Variants in UFC1 observed in about 807,000 individuals in gnomAD.
UFC1 encodes the protein ubiquitin-fold modifier conjugating enzyme 1, also known as ubiquitin-fold modifier-conjugating enzyme 1.
UFC1 carries 22 observed loss-of-function variants against 28.0 expected under a neutral mutation model. That is an observed-to-expected ratio of 0.78 (90% CI 0.56 to 1.12). The LOEUF (loss-of-function observed/expected upper bound fraction) is 1.12. Among genes scored for constraint, UFC1 ranks in the 50% most tolerant of loss-of-function variants. The pLI is 0.00. For synonymous variants in UFC1, 61 were observed against 74.5 expected (o/e 0.82, Z 0.93); for missense variants, 189 against 207.8 (o/e 0.91, Z 0.56).
chr1:161,157,497 G>A, intron 3 of UFC1, 120 bp from the exon 4 acceptor site: 1 of 1,251,616 alleles, frequency 8.0e-7, no homozygotes, highest in Non-Finnish European at 1.2e-6. Context: ...TCCTGGTATG[G>A]ATGTGCTCCT....
intron 1 of UFC1, among the ~76,000 whole-genome samples, chr1:161,156,669 C>G (rs1050121161): frequency 6.6e-6 from 1 of 151,922 alleles, no homozygotes; most frequent in Non-Finnish European, 1.5e-5. Flanking sequence ...TGGCAAAACC[C>G]CGTCTCTACT....
At chr1:161,157,764 G>C in intron 4 of UFC1, 71 bp downstream of exon 4, 2 of 1,302,116 alleles carry the variant, frequency 1.5e-6, no homozygotes, top group Admixed American at 1.8e-5. Flanking sequence ...GGGAGGGAGA[G>C]CATCAGGAAG....
chr1:161,157,770 G>A, intron 4 of UFC1, 77 bp downstream of exon 4: 1 of 1,216,094 alleles, frequency 8.2e-7, no homozygotes, highest in Admixed American at 1.8e-5. Flanking sequence ...GAGAGCATCA[G>A]GAAGAATAGC....
At chr1:161,156,593 G>T (rs1557995966) in intron 1 of UFC1, among the ~76,000 whole-genome samples, 1 of 148,582 alleles carries the variant, frequency 6.7e-6, no homozygotes, top group Non-Finnish European at 1.5e-5. Context: ...TGTAATCCTA[G>T]CACTTTGGGA....
chr1:161,157,956 C>T, intron 4 of UFC1, 165 bp from the exon 5 acceptor site: 1 of 655,944 alleles, frequency 1.5e-6, no homozygotes, highest in Non-Finnish European at 2.6e-6. Context: ...CCAGGGTCTG[C>T]TGGCCTAGTG....
At chr1:161,155,949 C>G (rs1002884905) in intron 1 of UFC1, among the ~76,000 whole-genome samples, 11 of 152,082 alleles carry the variant, frequency 7.2e-5, no homozygotes, top group Non-Finnish European at 1.5e-5. Context: ...AGATCTGGAC[C>G]AAAGATGAAA....
intron 1 of UFC1, among the ~76,000 whole-genome samples, chr1:161,156,644 C>T (rs1657514799): frequency 6.6e-6 from 1 of 151,496 alleles, no homozygotes; most frequent in Admixed American, 6.6e-5. Flanking sequence ...GAGTTCGAGA[C>T]CAGCCTGGCC....
chr1:161,154,137 C>G lies in UFC1; in HGVS notation c.123+17C>G, dbSNP rs146907749. ...CTTATCCGGGTTAGTTGTGTTTCTA[C>G]AGTCTAACGCGTAGCATAAGGGTTG... On this transcript the variant is annotated intron_variant, in intron 1 of 5. Coordinates refer to ENST00000368003, the MANE Select transcript of UFC1 (RefSeq NM_016406.4). The G allele has an allele frequency of 1.2e-4, 201 of 1,613,788 alleles. No homozygotes were observed. In the African/African-American group the frequency reaches 2.2e-3, roughly 18 times the overall value.
At chr1:161,157,526 A>G in intron 3 of UFC1, 91 bp from the exon 4 acceptor site, 1 of 1,396,148 alleles carries the variant, frequency 7.2e-7, no homozygotes. Flanking sequence ...TTTACTTAAC[A>G]TTTCAGTTTA....
chr1:161,156,135 T>C (rs1377474239), intron 1 of UFC1, among the ~76,000 whole-genome samples: 3 of 152,176 alleles, frequency 2.0e-5, no homozygotes, highest in African/African-American at 4.8e-5. Flanking sequence ...GCTTGCTAAA[T>C]TGAGTGGAGC....
intron 1 of UFC1, 141 bp downstream of exon 1, chr1:161,154,261 C>A: frequency 2.2e-6 from 3 of 1,383,294 alleles, no homozygotes; most frequent in South Asian, 1.4e-5. Flanking sequence ...TATTGTGGGG[C>A]TCGGGGACTA....
At chr1:161,157,345 A>C (rs1206369521) in intron 3 of UFC1, 28 bp downstream of exon 3, 5 of 1,613,060 alleles carry the variant, frequency 3.1e-6, no homozygotes, top group Admixed American at 3.3e-5. Context: ...GGAAATATGA[A>C]GGTTAGTAGA....
rs1657628563 is a variant in UFC1 at position 161,158,598 on chromosome 1, AC to A, written c.*108del. Reference sequence around the variant, plus strand: ...CTAACTGCTTCCCCGGACACCCTCCACCTCTAGTTGTTACTAAGTAGCTGCA... The same window carrying A: ...CTAACTGCTTCCCCGGACACCCTCCACTCTAGTTGTTACTAAGTAGCTGCA... On this transcript the variant is annotated 3_prime_UTR_variant, in exon 6 of 6. Transcript: ENST00000368003. 4.1e-6 allele frequency: 5 copies of A among 1,212,814 alleles called. No individual in the cohort carries two copies. Among genetic ancestry groups the A allele is most frequent in the Non-Finnish European group, 1.2e-6 (1 of 836,014 alleles). The allele number at this position is 1,212,814 out of a possible 1,614,324, so 75.1% of individuals were successfully genotyped here. A position where few individuals can be genotyped will look rare whatever the true frequency, so the allele number is the denominator to read the frequency against.
intron 1 of UFC1, among the ~76,000 whole-genome samples, chr1:161,154,701 T>G (rs1166238733): frequency 6.6e-6 from 1 of 152,142 alleles, no homozygotes; most frequent in African/African-American, 2.4e-5. Flanking sequence ...GCCAGGATGG[T>G]CTCGATCCCC....
rs1657544962 is a variant in UFC1, at chr1:161,157,320, G to T, written c.255+3G>T. 6.2e-7 allele frequency: 1 copy of T among 1,614,078 alleles called. No individual in the cohort carries two copies. The highest frequency in any genetic ancestry group is 8.5e-7 in the Non-Finnish European group (1 of 1,180,016). On this transcript the variant is annotated splice_donor_region_variant and intron_variant, in intron 3 of 5. Coordinates refer to ENST00000368003, the MANE Select transcript of UFC1 (RefSeq NM_016406.4). ...ATGAGTTTGACATCGAGTTTGACGT[G>T]AGTGTGATAGAGTGGGAAATATGAA...
intron 1 of UFC1, 29 bp downstream of exon 1, chr1:161,154,149 T>C: frequency 5.6e-6 from 9 of 1,613,418 alleles, no homozygotes; most frequent in Non-Finnish European, 7.6e-6. Context: ...GTCTAACGCG[T>C]AGCATAAGGG....
Position 161,157,678 on chromosome 1 carries a change from C to G in UFC1, c.317C>G (p.Thr106Arg). 6.2e-7 allele frequency: 1 copy of G among 1,613,928 alleles called. No homozygotes were observed. The highest frequency in any genetic ancestry group is 8.5e-7 in the Non-Finnish European group (1 of 1,179,882). Residue 106 changes from threonine to arginine, a missense_variant, in exon 4 of 6, where the codon ACA becomes AGA. By Grantham distance (71) the Thr-to-Arg change is moderately conservative. Coordinates refer to ENST00000368003, the MANE Select transcript of UFC1 (RefSeq NM_016406.4). ...GCAGTTCCTGAGCTGGATGGAAAGACAGCAAAGATGTACAGGTAGGACTGA... is the reference window on the plus strand; with the variant it reads ...GCAGTTCCTGAGCTGGATGGAAAGAGAGCAAAGATGTACAGGTAGGACTGA... ...EIAVPELDGK[T>R]AKMYRGGKIC...
At chr1:161,155,700 A>G (rs1393780569) in intron 1 of UFC1, among the ~76,000 whole-genome samples, 1 of 152,234 alleles carries the variant, frequency 6.6e-6, no homozygotes, top group Middle Eastern at 3.2e-3. Flanking sequence ...AGGTAAAATT[A>G]GCATAACATG....
intron 1 of UFC1, among the ~76,000 whole-genome samples, chr1:161,156,449 G>A (rs1399067917): frequency 1.3e-5 from 2 of 148,780 alleles, no homozygotes; most frequent in Non-Finnish European, 3.0e-5. Context: ...TGAGGCAGGA[G>A]AATGGCGTGA....
Sources: gnomAD v4.1 joint callset for allele counts (sites outside exome capture counted in the v4.1 genomes callset) on GRCh38, gnomAD v4.1.1 for gene constraint, MANE v1.5 for transcripts, NCBI Gene and HGNC (gene_info 2026-07-23, HGNC 2026-07-21) for gene names.